Variants in B4GALNT2 observed in about 807,000 individuals in gnomAD.
B4GALNT2 encodes the protein beta-1,4-N-acetyl-galactosaminyltransferase 2 (SID blood group), also known as N-acetylneuraminylgalactosylglucosyl-glucoside beta-1,4-N- acetylgalactosaminyltransferase 2.
A neutral mutation model predicts 51.1 loss-of-function variants in B4GALNT2; 42 were observed. The ratio of observed to expected loss-of-function variants is 0.82; its 90% CI spans 0.64 to 1.06. B4GALNT2 has a LOEUF of 1.06. B4GALNT2 is among the 50% of genes least tolerant of loss of function. B4GALNT2 has a pLI of 0.00. For synonymous variants in B4GALNT2, 253 were observed against 251.7 expected, an observed-to-expected ratio of 1.01 and a Z score of -0.05; for missense variants, 602 against 633.6, an observed-to-expected ratio of 0.95 and a Z score of 0.54.
intron 3 of B4GALNT2, among the ~76,000 whole-genome samples, chr17:49,145,986 T>C (rs1257226500): frequency 6.6e-6 from 1 of 152,074 alleles, no homozygotes; most frequent in African/African-American, 2.4e-5. Flanking sequence ...CAGCAGAACA[T>C]AATGTTGCGG....
At chr17:49,142,244 ATCTT>A in intron 3 of B4GALNT2, 72 bp downstream of exon 3, 3 of 1,569,748 alleles carry the variant, frequency 1.9e-6, no homozygotes, top group Admixed American at 1.8e-5. Context: ...GAGGTTGTGA[ATCTT>A]AAGAGAAAAA....
At chr17:49,132,224 A>G (rs1253570535), upstream of B4GALNT2, among the ~76,000 whole-genome samples, 1 of 152,184 alleles carries the variant, frequency 6.6e-6, no homozygotes, top group Non-Finnish European at 1.5e-5. Flanking sequence ...TGGCTTATGA[A>G]AAAGGTCCTG....
intron 9 of B4GALNT2, among the ~76,000 whole-genome samples, chr17:49,167,717 C>T (rs989340224): frequency 6.7e-6 from 1 of 148,948 alleles, no homozygotes; most frequent in South Asian, 2.1e-4. Context: ...TCAAGGGATT[C>T]TCTTGCCTCA....
At chr17:49,150,617 C>T (rs12451551) in intron 3 of B4GALNT2, among the ~76,000 whole-genome samples, 20,567 of 150,084 alleles carry the variant, frequency 0.14, 1,792 homozygotes, top group East Asian at 0.42. Context: ...TGATCTGTGA[C>T]CTTACCCCCA....
chr17:49,135,108 C>A (rs545340640), intron 1 of B4GALNT2, among the ~76,000 whole-genome samples: 1 of 151,864 alleles, frequency 6.6e-6, no homozygotes, highest in South Asian at 2.1e-4. Context: ...TTCTATAACT[C>A]GAATAGTTTA....
chr17:49,163,432 G>T (rs372717197), intron 7 of B4GALNT2, among the ~76,000 whole-genome samples: 1 of 118,242 alleles, frequency 8.5e-6, no homozygotes, highest in African/African-American at 3.3e-5. Flanking sequence ...ACCCTTAGAT[G>T]GGCAAAGCTC....
rs1044882152 is a variant in B4GALNT2 at position 49,172,564 on chromosome 17, C to T, written c.*2836C>T. On this transcript the variant is annotated 3_prime_UTR_variant, in exon 11 of 11. Coordinates refer to ENST00000393354, the MANE Select transcript of B4GALNT2 (RefSeq NM_001159387.2). Reference sequence around the variant, plus strand: ...GTGTCCCGTAGTCCCTGCTTCTCCCCTTTTGCTTTTGCAACTGCTGTTTCA... The same window carrying T: ...GTGTCCCGTAGTCCCTGCTTCTCCCTTTTTGCTTTTGCAACTGCTGTTTCA... 3 of 154,132 alleles carry T rather than the reference C, an allele frequency of 1.9e-5. No homozygotes were observed. Among genetic ancestry groups the T allele is most frequent in the African/African-American group, 7.2e-5 (3 of 41,490 alleles). 9.5% of individuals were successfully genotyped at this position (154,132 alleles called of 1,614,324 possible).
intron 9 of B4GALNT2, 92 bp from the exon 10 acceptor site, chr17:49,168,588 TA>T (rs1350026107): frequency 8.4e-7 from 1 of 1,187,706 alleles, no homozygotes; most frequent in East Asian, 2.5e-5. Context: ...CAATTCTTGT[TA>T]TAACCGAGGT....
intron 4 of B4GALNT2, 144 bp downstream of exon 4, chr17:49,153,050 C>T (rs2042774619): frequency 2.7e-6 from 2 of 728,716 alleles, no homozygotes; most frequent in East Asian, 5.5e-5. Flanking sequence ...CTGCAGTGAG[C>T]TATCATCTTG....
At chr17:49,153,870 C>T (rs545590267) in intron 4 of B4GALNT2, among the ~76,000 whole-genome samples, 17 of 152,072 alleles carry the variant, frequency 1.1e-4, no homozygotes, top group African/African-American at 3.9e-4. Flanking sequence ...CTTTAGTAGC[C>T]ATGACCTCCT....
In B4GALNT2 at chr17:49,141,039, ATT is replaced by A. The variant is rs920301038; in HGVS notation, c.15-202_15-201del. On this transcript the variant is annotated intron_variant, in intron 1 of 10. Coordinates refer to ENST00000393354, the MANE Select transcript of B4GALNT2 (RefSeq NM_001159387.2). ...GCCTCTAACCTTTTTTTTTTTCTGGATTTTTTTGCCATCCTTTTATTTGTAAT... is the reference window on the plus strand; with the variant it reads ...GCCTCTAACCTTTTTTTTTTTCTGGATTTTTGCCATCCTTTTATTTGTAAT... Among the ~76,000 whole-genome samples the A allele has an allele frequency of 2.1e-5, 3 of 144,878 alleles. No individual in the cohort carries two copies. The East Asian group carries it at 6.1e-4, about 29-fold the overall frequency.
Position 49,164,168 on chromosome 17 carries a change from A to G in B4GALNT2, c.847A>G (p.Ile283Val). ...CAAGCTCATGATCATGCTCCGGAGT[A>G]TTCGAGAGTATTACCCAGACTTGAC... Reference protein sequence around the residue: ...PHKLMIMLRSIREYYPDLTVI... With the variant: ...PHKLMIMLRSVREYYPDLTVI... The change falls in exon 8 of 11, where the codon ATT (isoleucine) becomes GTT (valine). Residue 283 changes from isoleucine (I) to valine (V), a missense_variant. Physicochemically the swap from Ile to Val is conservative, Grantham distance 29. Coordinates refer to ENST00000393354, the MANE Select transcript of B4GALNT2 (RefSeq NM_001159387.2). 2 of 1,613,982 alleles carry G rather than the reference A, an allele frequency of 1.2e-6. No individual in the cohort carries two copies. The highest frequency in any genetic ancestry group is 1.7e-6 in the Non-Finnish European group (2 of 1,179,830).
At chr17:49,152,493 G>A (rs905075442) in intron 3 of B4GALNT2, among the ~76,000 whole-genome samples, 1 of 152,122 alleles carries the variant, frequency 6.6e-6, no homozygotes, top group Non-Finnish European at 1.5e-5. Context: ...AGCTAACATG[G>A]TGAAACCCTG....
intron 5 of B4GALNT2, among the ~76,000 whole-genome samples, chr17:49,157,291 C>T (rs542916176): frequency 1.6e-4 from 24 of 150,684 alleles, no homozygotes; most frequent in African/African-American, 5.9e-4. Context: ...CTGTGAGTAG[C>T]TGGGACTGCA....
chr17:49,142,277 T>C lies in B4GALNT2; in HGVS notation c.353+105T>C, dbSNP rs2042652303. 7 of 1,419,054 alleles carry C rather than the reference T, an allele frequency of 4.9e-6. No homozygotes were observed. In the African/African-American group the frequency reaches 5.7e-5, roughly 12 times the overall value. 87.9% of individuals were successfully genotyped at this position (1,419,054 alleles called of 1,614,324 possible). ...AGAAAAAGCAGGAAGGAATTCTCTC[T>C]CTTGCAAGGGTCCCTGGGAGGAACT... On this transcript the variant is annotated intron_variant, in intron 3 of 10. Coordinates refer to ENST00000393354, the MANE Select transcript of B4GALNT2 (RefSeq NM_001159387.2).
intron 3 of B4GALNT2, among the ~76,000 whole-genome samples, chr17:49,146,734 C>T (rs1489039212): frequency 1.3e-5 from 2 of 152,166 alleles, no homozygotes; most frequent in African/African-American, 4.8e-5. Flanking sequence ...ATGTAGTTTT[C>T]CCATCAGTCC....
upstream of B4GALNT2, chr17:49,132,539 G>A (rs2042548436): frequency 1.2e-5 from 5 of 403,586 alleles, no homozygotes; most frequent in Middle Eastern, 6.1e-4. Context: ...GACTAGGGGT[G>A]GACGCGGGGA....
At position 49,166,198 on chromosome 17, in the gene B4GALNT2, G is replaced by A. The variant is rs147132109; in HGVS notation, c.1039G>A (p.Glu347Lys). The A allele has an allele frequency of 2.2e-5, 35 of 1,613,998 alleles. No individual in the cohort carries two copies. The highest frequency in any genetic ancestry group is 1.2e-4 in the Admixed American group (7 of 60,000). ...GGTGGACGATGATTTTCTCTTCAAC[G>A]AGGAGACCAAGATTGAGGTGCTGGT... ...LWVDDDFLFN[E>K]ETKIEVLVDV... is the part of the protein sequence containing the mutation. The change falls in exon 9 of 11, where the codon GAG becomes AAG. Residue 347 changes from glutamate (E) to lysine (K), a missense_variant. Physicochemically the swap from Glu to Lys is moderately conservative, Grantham distance 56. Transcript: ENST00000393354.
chr17:49,126,066 A>G, the B4GALNT2 span, among the ~76,000 whole-genome samples: 8 of 152,082 alleles, frequency 5.3e-5, no homozygotes, highest in South Asian at 4.1e-4. Flanking sequence ...AAGGGGGGAA[A>G]GGTGGGGAAA....
Sources: allele counts gnomAD v4.1 joint callset (sites outside exome capture counted in the v4.1 genomes callset), GRCh38; gene constraint gnomAD v4.1.1; transcripts MANE v1.5; gene names NCBI Gene and HGNC (gene_info 2026-07-23, HGNC 2026-07-21).